TP53BP1: variants seen among roughly 807,000 people sequenced by gnomAD.
The protein encoded by TP53BP1 is TP53-binding protein 1.
In TP53BP1, 61 loss-of-function variants were observed where a neutral mutation model predicts 200.8. That is an observed-to-expected ratio of 0.30 (90% CI 0.25 to 0.38). The LOEUF (loss-of-function observed/expected upper bound fraction) is 0.38, where lower values mean the gene tolerates loss of function less well. Among genes scored for constraint, TP53BP1 ranks in the 10% least tolerant of loss-of-function variants. TP53BP1 has a pLI of 1.00. For synonymous variants in TP53BP1, 822 were observed against 844.3 expected (o/e 0.97, Z 0.46); for missense variants, 2,144 against 2,371.9 (o/e 0.90, Z 2.00).
intron 4 of TP53BP1, among the ~76,000 whole-genome samples, chr15:43,486,886 A>C (rs983738864): frequency 6.6e-6 from 1 of 152,154 alleles, no homozygotes; most frequent in Admixed American, 6.6e-5. Context: ...TTGGCCTCCC[A>C]AAGTGCTGAA....
chr15:43,457,341 A>G, intron 11 of TP53BP1, 123 bp from the exon 12 acceptor site: 1 of 941,440 alleles, frequency 1.1e-6, no homozygotes, highest in East Asian at 2.8e-5. Context: ...TTAAATTCAT[A>G]TAAAATTTCT....
intron 11 of TP53BP1, 48 bp downstream of exon 11, chr15:43,469,809 TG>T: frequency 6.8e-7 from 1 of 1,469,682 alleles, no homozygotes; most frequent in South Asian, 1.1e-5. Flanking sequence ...CCAATAATGC[TG>T]CTTTAAAAAA....
intron 8 of TP53BP1, among the ~76,000 whole-genome samples, chr15:43,477,109 G>A (rs2078894885): frequency 6.6e-6 from 1 of 152,058 alleles, no homozygotes; most frequent in Admixed American, 6.5e-5. Context: ...GACCATCATG[G>A]CTAACACAGT....
At chr15:43,451,305 G>T (rs186831551) in intron 12 of TP53BP1, among the ~76,000 whole-genome samples, 34 of 151,950 alleles carry the variant, frequency 2.2e-4, no homozygotes, top group African/African-American at 8.2e-4. Flanking sequence ...TTTAGCATTA[G>T]GTATATCTCT....
intron 10 of TP53BP1, among the ~76,000 whole-genome samples, chr15:43,474,005 C>T (rs139775043): frequency 0.011 from 1,615 of 152,336 alleles, 16 homozygotes; most frequent in Non-Finnish European, 0.018. Flanking sequence ...CTGCAGGTCC[C>T]GAGTCCTGCC....
chr15:43,460,519 A>C (rs1356513775), intron 11 of TP53BP1, among the ~76,000 whole-genome samples: 1 of 152,148 alleles, frequency 6.6e-6, no homozygotes, highest in Non-Finnish European at 1.5e-5. Context: ...TTAGCCTCCC[A>C]AACTGCTAGG....
rs775351043 is a variant in TP53BP1, at chr15:43,403,789, T to C, written c.*3594A>G. 1.2e-6 allele frequency: 2 copies of C among 1,613,600 alleles called. No homozygotes were observed. Among genetic ancestry groups the C allele is most frequent in the Non-Finnish European group, 8.5e-7 (1 of 1,179,700 alleles). ...GAGCGTGGAGCCGCCCAGCTGAGCA[T>C]TCTCGTGAAGGTGCGTCTGCCTGGA... On this transcript the variant is annotated 3_prime_UTR_variant, in exon 28 of 28. Transcript: ENST00000382044.
intron 14 of TP53BP1, among the ~76,000 whole-genome samples, chr15:43,442,658 C>G (rs2045953396): frequency 1.3e-5 from 2 of 151,546 alleles, no homozygotes; most frequent in African/African-American, 4.9e-5. Context: ...CCACCACACC[C>G]AGCTAATTTT....
chr15:43,437,200 T>C (rs955345080), intron 16 of TP53BP1, among the ~76,000 whole-genome samples: 4 of 151,144 alleles, frequency 2.6e-5, no homozygotes, highest in African/African-American at 9.7e-5. Context: ...TTCCATTAAG[T>C]CTGAAAAACT....
intron 12 of TP53BP1, among the ~76,000 whole-genome samples, chr15:43,453,928 C>G (rs759676351): frequency 6.6e-6 from 1 of 151,596 alleles, no homozygotes; most frequent in Non-Finnish European, 1.5e-5. Context: ...CTGTTCTAGG[C>G]TGGGTGCAGC....
At chr15:43,445,887 T>C (rs1010413457) in intron 14 of TP53BP1, among the ~76,000 whole-genome samples, 19 of 152,072 alleles carry the variant, frequency 1.2e-4, no homozygotes, top group Non-Finnish European at 5.9e-5. Context: ...AAGCACAAGG[T>C]TTTGAAAGAC....
At chr15:43,425,550 G>T (rs1478604619) in intron 18 of TP53BP1, among the ~76,000 whole-genome samples, 1 of 152,198 alleles carries the variant, frequency 6.6e-6, no homozygotes, top group Non-Finnish European at 1.5e-5. Flanking sequence ...GAGCCAGGAG[G>T]TCAAGGCTGC....
intron 21 of TP53BP1, among the ~76,000 whole-genome samples, chr15:43,419,128 G>A (rs1434961523): frequency 6.6e-6 from 1 of 152,196 alleles, no homozygotes; most frequent in Non-Finnish European, 1.5e-5. Flanking sequence ...ACTGAGGCAG[G>A]AGACTCACTT....
intron 15 of TP53BP1, among the ~76,000 whole-genome samples, 156 bp from the exon 16 acceptor site, chr15:43,438,572 G>A (rs2045853285): frequency 1.3e-5 from 2 of 151,906 alleles, no homozygotes; most frequent in South Asian, 4.1e-4. Context: ...TACTTGTTTT[G>A]AATTAGCATA....
chr15:43,430,285 G>A (rs868508971), intron 17 of TP53BP1, among the ~76,000 whole-genome samples: 12 of 152,120 alleles, frequency 7.9e-5, no homozygotes, highest in African/African-American at 2.9e-4. Flanking sequence ...TACACTGAAG[G>A]GGATTTTTAA....
chr15:43,470,332 A>C (rs945004629), intron 10 of TP53BP1, among the ~76,000 whole-genome samples: 2 of 152,236 alleles, frequency 1.3e-5, no homozygotes, highest in African/African-American at 2.4e-5. Context: ...ATTCATAAAA[A>C]ATGTTAAATT....
chr15:43,440,537 C>A (rs1222504658), intron 15 of TP53BP1, among the ~76,000 whole-genome samples: 2 of 136,938 alleles, frequency 1.5e-5, no homozygotes, highest in East Asian at 2.2e-4. Context: ...AAAAAAAAAA[C>A]ACTCTGTCTT....
At chr15:43,428,944 T>C (rs1257323900) in intron 17 of TP53BP1, among the ~76,000 whole-genome samples, 1 of 152,202 alleles carries the variant, frequency 6.6e-6, no homozygotes, top group Non-Finnish European at 1.5e-5. Flanking sequence ...TGCCAGGTAC[T>C]ATACTAGACA....
intron 8 of TP53BP1, among the ~76,000 whole-genome samples, chr15:43,477,232 G>A (rs45624743): frequency 9.3e-4 from 141 of 151,650 alleles, no homozygotes; most frequent in South Asian, 3.1e-3. Flanking sequence ...CCCGGGAGGC[G>A]GAGCTTGCAG....
Sources: gnomAD v4.1 joint callset for allele counts (sites outside exome capture counted in the v4.1 genomes callset) on GRCh38, gnomAD v4.1.1 for gene constraint, MANE v1.5 for transcripts, NCBI Gene and HGNC (gene_info 2026-07-23, HGNC 2026-07-21) for gene names.